Variants in CADM1 observed in about 807,000 individuals in gnomAD.
CADM1 encodes the protein cell adhesion molecule 1.
CADM1 carries 15 observed loss-of-function variants against 53.1 expected under a neutral mutation model. That is an observed-to-expected ratio of 0.28 (90% CI 0.19 to 0.44). The LOEUF (loss-of-function observed/expected upper bound fraction) is 0.44. CADM1 is among the 20% of genes least tolerant of loss of function. The pLI is 1.00. For missense variants in CADM1, 434 were observed against 611.3 expected, an observed-to-expected ratio of 0.71 and a Z score of 3.06; for synonymous variants, 281 against 243.0, an observed-to-expected ratio of 1.16 and a Z score of -1.45.
chr11:115,173,676 ACTT>A lies in CADM1; in HGVS notation c.*2795_*2797del, dbSNP rs1938879335. 2.1e-6 allele frequency: 1 copy of A among 481,884 alleles called. No individual in the cohort carries two copies. Among genetic ancestry groups the A allele is most frequent in the Non-Finnish European group, 2.7e-6 (1 of 375,384 alleles). The allele number at this position is 481,884 out of a possible 1,614,324, so 29.9% of individuals were successfully genotyped here. A position where few individuals can be genotyped will look rare whatever the true frequency, so the allele number is the denominator to read the frequency against. The stretch of plus-strand genomic sequence containing the variant: ...ATTAAGAAGACAGATATTTTATAGT[ACTT>A]CTTTTTTTTCTTTTTTTTTTTGTAA... On this transcript the variant is annotated 3_prime_UTR_variant, in exon 12 of 12. Coordinates refer to ENST00000331581, the MANE Select transcript of CADM1 (RefSeq NM_001301043.2).
intron 1 of CADM1, among the ~76,000 whole-genome samples, chr11:115,366,565 T>C (rs1450782892): frequency 6.6e-6 from 1 of 152,152 alleles, no homozygotes; most frequent in Non-Finnish European, 1.5e-5. Context: ...TCACACAACA[T>C]GCAAAGAAAT....
chr11:115,217,334 G>C (rs1162883854), intron 6 of CADM1, among the ~76,000 whole-genome samples: 1 of 152,064 alleles, frequency 6.6e-6, no homozygotes, highest in Non-Finnish European at 1.5e-5. Flanking sequence ...TTTCTCTTAT[G>C]AAGTGGCATA....
intron 1 of CADM1, among the ~76,000 whole-genome samples, chr11:115,363,383 G>A (rs1946080018): frequency 6.6e-6 from 1 of 152,116 alleles, no homozygotes; most frequent in Non-Finnish European, 1.5e-5. Context: ...GGGTGCTCCA[G>A]GTAACGTCTT....
chr11:115,400,606 A>ATATATATAATATAT (rs1266352992), intron 1 of CADM1, among the ~76,000 whole-genome samples: 9 of 137,218 alleles, frequency 6.6e-5, no homozygotes, highest in African/African-American at 1.9e-4. Context: ...TCATATATAT[A>ATATATATAATATAT]ATATATATCT....
intron 1 of CADM1, among the ~76,000 whole-genome samples, chr11:115,416,849 T>C (rs1480606668): frequency 1.3e-5 from 2 of 152,142 alleles, no homozygotes; most frequent in Non-Finnish European, 2.9e-5. Flanking sequence ...TTTCAAACTA[T>C]TGATATAATT....
At chr11:115,466,821 T>C (rs948739347) in intron 1 of CADM1, among the ~76,000 whole-genome samples, 1 of 152,208 alleles carries the variant, frequency 6.6e-6, no homozygotes, top group East Asian at 1.9e-4. Context: ...ATGAATATGA[T>C]TATGATTATG....
At chr11:115,306,851 T>A (rs774144906) in intron 1 of CADM1, among the ~76,000 whole-genome samples, 3 of 152,032 alleles carry the variant, frequency 2.0e-5, no homozygotes, top group Non-Finnish European at 4.4e-5. Context: ...GCAACAGTTT[T>A]AATTTGGTTA....
At chr11:115,187,549 C>T (rs1295344541) in intron 10 of CADM1, among the ~76,000 whole-genome samples, 1 of 152,168 alleles carries the variant, frequency 6.6e-6, no homozygotes, top group Non-Finnish European at 1.5e-5. Context: ...TCAGTCAACC[C>T]CTGCTCCCCC....
chr11:115,260,715 C>A (rs945967940), intron 1 of CADM1, among the ~76,000 whole-genome samples: 14 of 152,024 alleles, frequency 9.2e-5, no homozygotes, highest in Admixed American at 5.2e-4. Flanking sequence ...CTCTGTTGCC[C>A]AGGCTGGAGT....
At chr11:115,398,306 T>C (rs1947054414) in intron 1 of CADM1, among the ~76,000 whole-genome samples, 1 of 152,222 alleles carries the variant, frequency 6.6e-6, no homozygotes, top group African/African-American at 2.4e-5. Flanking sequence ...AATCTCTGAA[T>C]GTGCAATGAA....
intron 10 of CADM1, among the ~76,000 whole-genome samples, chr11:115,184,447 C>T (rs1340368440): frequency 6.6e-6 from 1 of 152,196 alleles, no homozygotes; most frequent in Non-Finnish European, 1.5e-5. Context: ...ATTATAGATG[C>T]TACAAATCCT....
intron 1 of CADM1, among the ~76,000 whole-genome samples, chr11:115,366,713 A>C (rs1434739107): frequency 6.6e-6 from 1 of 151,808 alleles, no homozygotes; most frequent in Non-Finnish European, 1.5e-5. Context: ...TTACAAAAAC[A>C]AAACCAAAAA....
Position 115,184,305 on chromosome 11 carries a change from G to A in CADM1, c.1166-5530C>T, listed in dbSNP as rs902794111. ...CGTCCATGGCAACAAAAATAAGTGT[G>A]CATTTTAAAAAGCACAACTTTATTA... On this transcript the variant is annotated intron_variant, in intron 10 of 11. Coordinates refer to ENST00000331581, the MANE Select transcript of CADM1 (RefSeq NM_001301043.2). 6.6e-5 allele frequency among the ~76,000 whole-genome samples: 10 copies of A among 152,296 alleles called. No homozygotes were observed. The East Asian group carries it at 1.9e-3, about 29-fold the overall frequency.
At chr11:115,256,951 T>G in intron 1 of CADM1, 1 of 455,258 alleles carries the variant, frequency 2.2e-6, no homozygotes, top group East Asian at 7.0e-5. Context: ...CTTAAAAAAG[T>G]CGTTAGGTTT....
chr11:115,268,784 C>T (rs887164356), intron 1 of CADM1, among the ~76,000 whole-genome samples: 1 of 152,216 alleles, frequency 6.6e-6, no homozygotes, highest in Non-Finnish European at 1.5e-5. Flanking sequence ...CTGAGCCCCT[C>T]TTTAGAGTCA....
intron 8 of CADM1, among the ~76,000 whole-genome samples, chr11:115,206,760 T>TC (rs1402448229): frequency 9.3e-6 from 1 of 107,766 alleles, no homozygotes; most frequent in African/African-American, 4.3e-5. Context: ...GTGGACTTCT[T>TC]TTTTTTTTTT....
chr11:115,311,097 C>G (rs527657488), intron 1 of CADM1, among the ~76,000 whole-genome samples: 3 of 152,176 alleles, frequency 2.0e-5, no homozygotes, highest in Non-Finnish European at 4.4e-5. Context: ...CTCCTGTTTT[C>G]CATGACTGTA....
At chr11:115,408,179 C>A (rs1374537645) in intron 1 of CADM1, among the ~76,000 whole-genome samples, 1 of 151,944 alleles carries the variant, frequency 6.6e-6, no homozygotes, top group East Asian at 1.9e-4. Flanking sequence ...AAACAAAAGC[C>A]CCACTCTTTC....
intron 1 of CADM1, among the ~76,000 whole-genome samples, chr11:115,373,678 G>T (rs370168211): frequency 1.5e-4 from 22 of 151,250 alleles, no homozygotes; most frequent in East Asian, 3.9e-4. Context: ...GAAAATGGGA[G>T]GTTCCATTTA....
Sources: gnomAD v4.1 joint callset for allele counts (sites outside exome capture counted in the v4.1 genomes callset) on GRCh38, gnomAD v4.1.1 for gene constraint, MANE v1.5 for transcripts, NCBI Gene and HGNC (gene_info 2026-07-23, HGNC 2026-07-21) for gene names.